KCNJ6: variants seen among roughly 807,000 people sequenced by gnomAD.
KCNJ6 encodes G protein-activated inward rectifier potassium channel 2.
KCNJ6 carries 9 observed loss-of-function variants against 34.2 expected under a neutral mutation model. That is an observed-to-expected ratio of 0.26 (90% CI 0.16 to 0.46). The LOEUF is 0.46. Ranked by LOEUF, KCNJ6 falls within the 20% of genes least tolerant of loss-of-function variation. The probability of loss-of-function intolerance (pLI) is 1.00; values close to 1 mark genes in which losing one functional copy is unlikely to be tolerated. For synonymous variants in KCNJ6, 196 were observed against 207.1 expected (o/e 0.95, Z 0.46); for missense variants, 236 against 531.3 (o/e 0.44, Z 5.46).
At chr21:37,734,493 G>A (rs2054902884) in intron 2 of KCNJ6, among the ~76,000 whole-genome samples, 1 of 152,168 alleles carries the variant, frequency 6.6e-6, no homozygotes, top group Non-Finnish European at 1.5e-5. Flanking sequence ...TTAACAAAAA[G>A]CCTCAATTTG....
At chr21:37,835,303 G>A (rs1156736172) in intron 2 of KCNJ6, among the ~76,000 whole-genome samples, 1 of 152,150 alleles carries the variant, frequency 6.6e-6, no homozygotes, top group Non-Finnish European at 1.5e-5. Context: ...CTAGGGAAGG[G>A]ATCCTGCAGC....
rs573468049 is a variant in KCNJ6, at chr21:37,788,818, C to T, written c.25+51840G>A. Among the ~76,000 whole-genome samples the T allele has an allele frequency of 1.2e-4, 19 of 152,300 alleles. No homozygotes were observed. In the South Asian group the frequency reaches 2.3e-3, roughly 18 times the overall value. On this transcript the variant is annotated intron_variant, in intron 2 of 3. Coordinates refer to ENST00000609713, the MANE Select transcript of KCNJ6 (RefSeq NM_002240.5). ...GCCCTGCCAAGACTAGAAGAAGAAT[C>T]GCCAAGAGGAGCCCAGCTCAAACTG...
chr21:37,848,841 A>G (rs1211608399), intron 1 of KCNJ6, among the ~76,000 whole-genome samples: 1 of 152,202 alleles, frequency 6.6e-6, no homozygotes, highest in Non-Finnish European at 1.5e-5. Context: ...GAGTTTCTCC[A>G]AACCCAGCTG....
At chr21:37,700,870 A>G (rs1226366163) in intron 3 of KCNJ6, among the ~76,000 whole-genome samples, 1 of 152,128 alleles carries the variant, frequency 6.6e-6, no homozygotes, top group Non-Finnish European at 1.5e-5. Flanking sequence ...GCTCATTTGC[A>G]TAAGAGAGCC....
At chr21:37,709,273 A>T (rs2054737395) in intron 3 of KCNJ6, among the ~76,000 whole-genome samples, 1 of 152,216 alleles carries the variant, frequency 6.6e-6, no homozygotes, top group African/African-American at 2.4e-5. Context: ...GCACTTTGGG[A>T]GGCCAAGGTG....
chr21:37,685,778 ATAT>A (rs1569445249), intron 3 of KCNJ6, among the ~76,000 whole-genome samples: 1 of 150,468 alleles, frequency 6.6e-6, no homozygotes, highest in African/African-American at 2.4e-5. Flanking sequence ...GCTGTCTATA[ATAT>A]TCTCTAGAGC....
intron 2 of KCNJ6, among the ~76,000 whole-genome samples, chr21:37,836,825 A>C (rs1227838874): frequency 6.6e-6 from 1 of 152,162 alleles, no homozygotes; most frequent in African/African-American, 2.4e-5. Context: ...CCACCATGGC[A>C]TGTGTATACC....
intron 3 of KCNJ6, among the ~76,000 whole-genome samples, chr21:37,707,898 C>T (rs1180240523): frequency 6.6e-6 from 1 of 151,814 alleles, no homozygotes; most frequent in Non-Finnish European, 1.5e-5. Flanking sequence ...AGACTTCACA[C>T]GATTTGACGT....
At chr21:37,794,573 C>A (rs2055231955) in intron 2 of KCNJ6, among the ~76,000 whole-genome samples, 1 of 152,184 alleles carries the variant, frequency 6.6e-6, no homozygotes. Context: ...GCACTCATAG[C>A]TGCTGTGTAA....
chr21:37,739,443 C>A (rs1369400791), intron 2 of KCNJ6, among the ~76,000 whole-genome samples: 1 of 152,016 alleles, frequency 6.6e-6, no homozygotes, highest in African/African-American at 2.4e-5. Context: ...GGGGTTTAAC[C>A]TTTTGATGTG....
At chr21:37,639,682 A>G (rs1247072324) in intron 3 of KCNJ6, among the ~76,000 whole-genome samples, 1 of 152,170 alleles carries the variant, frequency 6.6e-6, no homozygotes, top group Non-Finnish European at 1.5e-5. Context: ...TTTCTGCTAG[A>G]TCCTTGATAT....
intron 2 of KCNJ6, among the ~76,000 whole-genome samples, chr21:37,732,305 G>A (rs2054889543): frequency 6.6e-6 from 1 of 152,226 alleles, no homozygotes. Context: ...GAATGTGACA[G>A]TTGTTCCAGT....
intron 2 of KCNJ6, among the ~76,000 whole-genome samples, chr21:37,734,419 C>T (rs576194635): frequency 6.6e-6 from 1 of 152,092 alleles, no homozygotes; most frequent in Admixed American, 6.5e-5. Context: ...AGAGCACCAG[C>T]GAGGAGTTCT....
At chr21:37,672,269 C>A (rs1264452806) in intron 3 of KCNJ6, among the ~76,000 whole-genome samples, 1 of 151,996 alleles carries the variant, frequency 6.6e-6, no homozygotes, top group Non-Finnish European at 1.5e-5. Flanking sequence ...AGGAAGGAAG[C>A]TTCTCTTTTC....
chr21:37,910,182 G>C (rs1390589843), intron 1 of KCNJ6, among the ~76,000 whole-genome samples: 3 of 152,146 alleles, frequency 2.0e-5, no homozygotes, highest in African/African-American at 7.2e-5. Context: ...TGTTTTGTAA[G>C]CCACTGAGAT....
intron 1 of KCNJ6, among the ~76,000 whole-genome samples, chr21:37,901,461 C>A (rs1320866394): frequency 6.6e-6 from 1 of 152,196 alleles, no homozygotes. Context: ...CCTCCACCCC[C>A]ACACATGTAT....
intron 2 of KCNJ6, among the ~76,000 whole-genome samples, chr21:37,811,279 TA>T (rs1439059311): frequency 1.3e-5 from 2 of 152,178 alleles, no homozygotes; most frequent in African/African-American, 4.8e-5. Context: ...ATATCCTTTA[TA>T]ACAAGCTGGT....
chr21:37,785,582 T>C (rs1042390636), intron 2 of KCNJ6, among the ~76,000 whole-genome samples: 1 of 152,228 alleles, frequency 6.6e-6, no homozygotes. Flanking sequence ...TAGCAAGTAA[T>C]AGTATCCTTC....
At chr21:37,885,353 A>T (rs1187082855) in intron 1 of KCNJ6, among the ~76,000 whole-genome samples, 2 of 152,120 alleles carry the variant, frequency 1.3e-5, no homozygotes, top group Non-Finnish European at 2.9e-5. Context: ...GGCAGAATTC[A>T]AAGGTGGCCC....
Sources: allele counts gnomAD v4.1 joint callset (sites outside exome capture counted in the v4.1 genomes callset), GRCh38; gene constraint gnomAD v4.1.1; transcripts MANE v1.5; gene names NCBI Gene and HGNC (gene_info 2026-07-23, HGNC 2026-07-21).